The following INHBB variants were observed in gnomAD, a reference collection of about 807,000 sequenced individuals.
INHBB encodes the protein inhibin beta B chain.
INHBB carries 8 observed loss-of-function variants against 28.9 expected under a neutral mutation model. The observed-to-expected ratio is 0.28, with a 90% CI of 0.16 to 0.50. The LOEUF (loss-of-function observed/expected upper bound fraction) is 0.50, where lower values mean the gene tolerates loss of function less well. Among genes scored for constraint, INHBB ranks in the 20% least tolerant of loss-of-function variants. The pLI, the probability that INHBB is intolerant of heterozygous loss-of-function variation, is 0.98. For missense variants in INHBB, 499 were observed against 597.8 expected (o/e 0.83, Z 1.72); for synonymous variants, 293 against 262.7 (o/e 1.12, Z -1.12).
At chr2:120,346,889 C>G (rs1241619855) in intron 1 of INHBB, among the ~76,000 whole-genome samples, 3 of 152,254 alleles carry the variant, frequency 2.0e-5, no homozygotes, top group Non-Finnish European at 4.4e-5. Context: ...CCCTGCTCTC[C>G]GGAATCGGGC....
chr2:120,346,558 C>G lies in INHBB; in HGVS notation c.370C>G (p.Pro124Ala). The G allele has an allele frequency of 1.3e-6, 2 of 1,500,218 alleles. No homozygotes were observed. Among genetic ancestry groups the G allele is most frequent in the East Asian group, 5.4e-5 (2 of 37,192 alleles). 92.9% of individuals were successfully genotyped at this position (1,500,218 alleles called of 1,614,324 possible). A position where few individuals can be genotyped will look rare whatever the true frequency, so the allele number is the denominator to read the frequency against. Residue 124 changes from proline (P) to alanine (A), a missense_variant, in exon 1 of 2, where the codon CCG (proline) becomes GCG (alanine). Transcript: ENST00000295228. ...GCGCGAGGACGGCCGCGTGGAGATC[C>G]CGCACCTCGACGGCCACGCCAGCCC... Reference protein sequence around the residue: ...KVREDGRVEIPHLDGHASPGA... With the variant: ...KVREDGRVEIAHLDGHASPGA...
chr2:120,347,149 C>G (rs1325608955), intron 1 of INHBB, among the ~76,000 whole-genome samples: 1 of 152,162 alleles, frequency 6.6e-6, no homozygotes, highest in Non-Finnish European at 1.5e-5. Flanking sequence ...CTTCCATCAC[C>G]GGCGGCGTGG....
intron 1 of INHBB, among the ~76,000 whole-genome samples, chr2:120,347,392 T>TCCC (rs1247770838): frequency 1.5e-5 from 2 of 132,034 alleles, no homozygotes; most frequent in African/African-American, 6.2e-5. Flanking sequence ...CTTTCTGGAA[T>TCCC]CCGCCCCCCC....
Position 120,346,481 on chromosome 2 carries a change from T to C in INHBB, c.293T>C (p.Val98Ala). The C allele has an allele frequency of 6.4e-7, 1 of 1,557,804 alleles. No individual in the cohort carries two copies. Among genetic ancestry groups the C allele is most frequent in the Non-Finnish European group, 8.6e-7 (1 of 1,160,428 alleles). The part of the protein sequence containing the change: ...MRGRPNITHA[V>A]PKAAMVTALR... ...GGCCGGCCCAACATCACGCACGCCG[T>C]GCCTAAGGCCGCCATGGTCACGGCC... Residue 98 changes from valine to alanine, a missense_variant, in exon 1 of 2, where the codon GTG becomes GCG. By Grantham distance (64) the Val-to-Ala change is moderately conservative. Coordinates refer to ENST00000295228, the MANE Select transcript of INHBB (RefSeq NM_002193.4).
At position 120,349,704 on chromosome 2, in the gene INHBB, A is replaced by G. The variant is rs756005419; in HGVS notation, c.1054A>G (p.Thr352Ala). Residue 352 changes from threonine to alanine, a missense_variant, in exon 2 of 2, where the codon ACG becomes GCG. Transcript: ENST00000295228. The surrounding 1 kb of genome is among the most constrained non-coding windows in gnomAD (Gnocchi z 5.6). ...GVPGSASSFH[T>A]AVVNQYRMRG... Reference sequence around the variant, plus strand: ...CCCCGGCTCTGCCTCCTCCTTCCACACGGCTGTGGTGAACCAGTACCGCAT... The same window carrying G: ...CCCCGGCTCTGCCTCCTCCTTCCACGCGGCTGTGGTGAACCAGTACCGCAT... 4 of 1,613,674 alleles carry G rather than the reference A, an allele frequency of 2.5e-6. No homozygotes were observed. The highest frequency in any genetic ancestry group is 3.4e-6 in the Non-Finnish European group (4 of 1,180,006).
Position 120,346,194 on chromosome 2 carries a change from C to T in INHBB, c.6C>T (p.Asp2=). 2.5e-6 allele frequency: 3 copies of T among 1,187,134 alleles called. No individual in the cohort carries two copies. The highest frequency in any genetic ancestry group is 2.1e-6 in the Non-Finnish European group (2 of 960,042). The allele number at this position is 1,187,134 out of a possible 1,614,324, so 73.5% of individuals were successfully genotyped here. Reference sequence around the variant, plus strand: ...CTCGTCGCCAGCGGCGCACCATGGACGGGCTGCCCGGTCGGGCGCTGGGGG... The same window carrying T: ...CTCGTCGCCAGCGGCGCACCATGGATGGGCTGCCCGGTCGGGCGCTGGGGG... M[D]GLPGRALGAA... is the part of the protein sequence containing the mutation. Residue 2 remains aspartate, a synonymous_variant, in exon 1 of 2, where the codon GAC becomes GAT. Coordinates refer to ENST00000295228, the MANE Select transcript of INHBB (RefSeq NM_002193.4).
Position 120,349,737 on chromosome 2 carries a change from C to T in INHBB, c.1087C>T (p.Leu363=), listed in dbSNP as rs1691227870. The change falls in exon 2 of 2, where the codon CTG becomes TTG. Residue 363 remains leucine (L), a synonymous_variant. Coordinates refer to ENST00000295228, the MANE Select transcript of INHBB (RefSeq NM_002193.4). The surrounding 1 kb of genome is among the most constrained non-coding windows in gnomAD (Gnocchi z 5.6). ...AVVNQYRMRG[L]NPGTVNSCCI... ...GGTGAACCAGTACCGCATGCGGGGT[C>T]TGAACCCCGGCACGGTGAACTCCTG... The T allele has an allele frequency of 6.2e-7, 1 of 1,613,624 alleles. No individual in the cohort carries two copies. The highest frequency in any genetic ancestry group is 1.7e-5 in the Admixed American group (1 of 60,016).
Position 120,346,392 on chromosome 2 carries a change from C to T in INHBB, c.204C>T (p.Gly68=), listed in dbSNP as rs1691153134. Residue 68 remains glycine, a synonymous_variant, in exon 1 of 2, where the codon GGC becomes GGT. Coordinates refer to ENST00000295228, the MANE Select transcript of INHBB (RefSeq NM_002193.4). The stretch of plus-strand genomic sequence containing the variant: ...GCTTCCGGCGGCCAGAGGAGCTCGG[C>T]CGAGTGGACGGCGACTTCCTGGAGG... ...CGGFRRPEEL[G]RVDGDFLEAV... The T allele has an allele frequency of 6.5e-7, 1 of 1,533,352 alleles. No homozygotes were observed. The allele number at this position is 1,533,352 out of a possible 1,614,324, so 95.0% of individuals were successfully genotyped here.
At chr2:120,348,006 C>A (rs1691191573) in intron 1 of INHBB, among the ~76,000 whole-genome samples, 1 of 152,074 alleles carries the variant, frequency 6.6e-6, no homozygotes, top group Non-Finnish European at 1.5e-5. Context: ...TGGTCCGTTT[C>A]ACGGAGCCAG....
At position 120,349,921 on chromosome 2, in the gene INHBB, G is replaced by A; in HGVS notation, c.*47G>A. On this transcript the variant is annotated 3_prime_UTR_variant, in exon 2 of 2. Transcript: ENST00000295228. This position sits in a 1 kb window ranked among gnomAD's most constrained non-coding sequence, Gnocchi z 5.6. ...TGGTGGGGCACGGAGGGCAGTCCCG[G>A]GTGGGCTTCTTCCAGCCCCCGCGGG... is the stretch of plus-strand genomic sequence containing the variant. The A allele has an allele frequency of 1.3e-6, 2 of 1,566,170 alleles. No individual in the cohort carries two copies. Among genetic ancestry groups the A allele is most frequent in the Non-Finnish European group, 1.7e-6 (2 of 1,152,098 alleles).
chr2:120,349,106 C>A lies in INHBB; in HGVS notation c.456C>A (p.Leu152=). 1 of 1,598,704 alleles carries A rather than the reference C, an allele frequency of 6.3e-7. No homozygotes were observed. Among genetic ancestry groups the A allele is most frequent in the South Asian group, 1.1e-5 (1 of 89,570 alleles). The change falls in exon 2 of 2, where the codon CTC becomes CTA. Residue 152 remains leucine (L), a synonymous_variant. Transcript: ENST00000295228. This position sits in a 1 kb window ranked among gnomAD's most constrained non-coding sequence, Gnocchi z 5.6. ...CCTTCCCCTTTTCCGCAGATGGCCT[C>A]GCCTCCTCCCGGGTCCGCCTATACT... The part of the protein sequence containing the change: ...EIISFAETDG[L]ASSRVRLYFF...
At chr2:120,347,326 C>T (rs1384844665) in intron 1 of INHBB, among the ~76,000 whole-genome samples, 2 of 151,994 alleles carry the variant, frequency 1.3e-5, no homozygotes, top group African/African-American at 4.8e-5. Context: ...TGCCTGGCAG[C>T]TGCAGCAGAC....
At chr2:120,346,705 C>T in intron 1 of INHBB, 69 bp downstream of exon 1, 1 of 1,328,508 alleles carries the variant, frequency 7.5e-7, no homozygotes, top group Non-Finnish European at 9.7e-7. Flanking sequence ...CTTGCTAGCT[C>T]CGGCTGCCAC....
chr2:120,349,977 C>G lies in INHBB; in HGVS notation c.*103C>G. 2 of 1,160,536 alleles carry G rather than the reference C, an allele frequency of 1.7e-6. No individual in the cohort carries two copies. The highest frequency in any genetic ancestry group is 2.4e-6 in the Non-Finnish European group (2 of 820,136). The allele number at this position is 1,160,536 out of a possible 1,614,324, so 71.9% of individuals were successfully genotyped here. ...GGGTACACGGTGGGCTGAGTACAGT[C>G]ATTCTGTTGGGCTGTGGAGATAGTG... is the stretch of plus-strand genomic sequence containing the variant. On this transcript the variant is annotated 3_prime_UTR_variant, in exon 2 of 2. Transcript: ENST00000295228. This position sits in a 1 kb window ranked among gnomAD's most constrained non-coding sequence, Gnocchi z 5.6.
In INHBB at chr2:120,349,794, A is replaced by T; in HGVS notation, c.1144A>T (p.Met382Leu). ...CIPTKLSTMS[M>L]LYFDDEYNIV... The stretch of plus-strand genomic sequence containing the variant: ...TCCCACCAAGCTGAGCACCATGTCC[A>T]TGCTGTACTTCGATGATGAGTACAA... Residue 382 changes from methionine (M) to leucine (L), a missense_variant, in exon 2 of 2, where the codon ATG becomes TTG. Transcript: ENST00000295228. The surrounding 1 kb of genome is among the most constrained non-coding windows in gnomAD (Gnocchi z 5.6). 6.2e-7 allele frequency: 1 copy of T among 1,613,314 alleles called. No individual in the cohort carries two copies. The highest frequency in any genetic ancestry group is 8.5e-7 in the Non-Finnish European group (1 of 1,180,038).
chr2:120,350,044 C>G lies in INHBB; in HGVS notation c.*170C>G, dbSNP rs1573389069. ...GATATTTTTCTACAGCTTCATAGAG[C>G]AACCAGTCAAAACCAGAGCGAGAAC... On this transcript the variant is annotated 3_prime_UTR_variant, in exon 2 of 2. Coordinates refer to ENST00000295228, the MANE Select transcript of INHBB (RefSeq NM_002193.4). 12 of 659,310 alleles carry G rather than the reference C, an allele frequency of 1.8e-5. No homozygotes were observed. The South Asian group carries it at 2.3e-4, about 12-fold the overall frequency. 40.8% of individuals were successfully genotyped at this position (659,310 alleles called of 1,614,324 possible). A position where few individuals can be genotyped will look rare whatever the true frequency, so the allele number is the denominator to read the frequency against.
In INHBB at chr2:120,346,343, A is replaced by G; in HGVS notation, c.155A>G (p.Gln52Arg). Reference protein sequence around the residue: ...PPPPGSPGGSQDTCTSCGGFR... With the variant: ...PPPPGSPGGSRDTCTSCGGFR... Reference sequence around the variant, plus strand: ...CCACCCGGATCCCCGGGTGGCTCGCAGGACACCTGTACGTCGTGCGGCGGC... The same window carrying G: ...CCACCCGGATCCCCGGGTGGCTCGCGGGACACCTGTACGTCGTGCGGCGGC... The change falls in exon 1 of 2, where the codon CAG becomes CGG. Residue 52 changes from glutamine (Q) to arginine (R), a missense_variant. Physicochemically the swap from Gln to Arg is conservative, Grantham distance 43. Transcript: ENST00000295228. 7.2e-7 allele frequency: 1 copy of G among 1,397,786 alleles called. No homozygotes were observed. The allele number at this position is 1,397,786 out of a possible 1,614,324, so 86.6% of individuals were successfully genotyped here.
intron 1 of INHBB, among the ~76,000 whole-genome samples, chr2:120,347,152 C>T (rs1457160239): frequency 2.0e-5 from 3 of 152,164 alleles, no homozygotes; most frequent in Non-Finnish European, 4.4e-5. Flanking sequence ...CCATCACCGG[C>T]GGCGTGGGCT....
At position 120,346,381 on chromosome 2, in the gene INHBB, G is replaced by C. The variant is rs781205948; in HGVS notation, c.193G>C (p.Glu65Gln). 1.1e-4 allele frequency: 174 copies of C among 1,519,606 alleles called. No individual in the cohort carries two copies. Among genetic ancestry groups the C allele is most frequent in the Non-Finnish European group, 1.4e-4 (165 of 1,140,516 alleles). The allele number at this position is 1,519,606 out of a possible 1,614,324, so 94.1% of individuals were successfully genotyped here. Reference sequence around the variant, plus strand: ...GTCGTGCGGCGGCTTCCGGCGGCCAGAGGAGCTCGGCCGAGTGGACGGCGA... The same window carrying C: ...GTCGTGCGGCGGCTTCCGGCGGCCACAGGAGCTCGGCCGAGTGGACGGCGA... ...CTSCGGFRRP[E>Q]ELGRVDGDFL... Residue 65 changes from glutamate to glutamine, a missense_variant, in exon 1 of 2, where the codon GAG becomes CAG. Around this residue, in one of 2 missense-constraint regions of INHBB, gnomAD observed 385 missense variants for 415.2 expected, o/e 0.93. Coordinates refer to ENST00000295228, the MANE Select transcript of INHBB (RefSeq NM_002193.4).
Sources: allele counts gnomAD v4.1 joint callset (sites outside exome capture counted in the v4.1 genomes callset), GRCh38; gene constraint gnomAD v4.1.1; regional missense constraint gnomAD v4.1.1; non-coding constraint Gnocchi (gnomAD v3.1); transcripts MANE v1.5; gene names NCBI Gene and HGNC (gene_info 2026-07-23, HGNC 2026-07-21).